The following RAPGEF1 variants were observed in gnomAD, a reference collection of about 807,000 sequenced individuals.
The protein encoded by RAPGEF1 is CRK SH3-binding GNRP.
A neutral mutation model predicts 143.3 loss-of-function variants in RAPGEF1; 33 were observed. The observed-to-expected ratio is 0.23, with a 90% CI of 0.17 to 0.31. The LOEUF is 0.31. Among genes scored for constraint, RAPGEF1 ranks in the 10% least tolerant of loss-of-function variants. The probability of loss-of-function intolerance (pLI) is 1.00; values close to 1 mark genes in which losing one functional copy is unlikely to be tolerated. For missense variants in RAPGEF1, 1,199 were observed against 1,645.4 expected (o/e 0.73, Z 4.69); for synonymous variants, 629 against 676.5 (o/e 0.93, Z 1.09).
intron 14 of RAPGEF1, 75 bp from the exon 15 acceptor site, chr9:131,602,224 C>A (rs1311957694): frequency 5.3e-6 from 6 of 1,125,286 alleles, no homozygotes; most frequent in Non-Finnish European, 7.7e-6. Flanking sequence ...AGCATTCCTG[C>A]CTGCAAGTGG....
rs747095554 is a variant in RAPGEF1, at chr9:131,579,456, C to G, written c.*41G>C. The G allele has an allele frequency of 1.9e-6, 3 of 1,606,412 alleles. No homozygotes were observed. The highest frequency in any genetic ancestry group is 2.6e-6 in the Non-Finnish European group (3 of 1,175,638). On this transcript the variant is annotated 3_prime_UTR_variant, in exon 27 of 27. Transcript: ENST00000683357. The stretch of plus-strand genomic sequence containing the variant: ...TCCTCTCCGGTCTGGGAGCTGCCCT[C>G]TGCGCCCCTCGAGCATTCTCCTGGA...
intron 10 of RAPGEF1, among the ~76,000 whole-genome samples, chr9:131,624,456 T>C (rs1163451738): frequency 1.3e-5 from 2 of 152,178 alleles, no homozygotes; most frequent in Non-Finnish European, 2.9e-5. Context: ...AAGGAAACAA[T>C]GGCTACCCCT....
intron 1 of RAPGEF1, among the ~76,000 whole-genome samples, chr9:131,677,395 A>C (rs1225306130): frequency 6.6e-6 from 1 of 152,252 alleles, no homozygotes; most frequent in Non-Finnish European, 1.5e-5. Context: ...TGGATGTCCA[A>C]TTAACATAAG....
In RAPGEF1 at chr9:131,578,919, C is replaced by G. The variant is rs1951474111; in HGVS notation, c.*578G>C. The G allele has an allele frequency of 6.5e-6, 1 of 152,904 alleles. No homozygotes were observed. Among genetic ancestry groups the G allele is most frequent in the South Asian group, 2.1e-4 (1 of 4,862 alleles). 9.5% of individuals were successfully genotyped at this position (152,904 alleles called of 1,614,324 possible). Reference sequence around the variant, plus strand: ...GCGTCACCTGCGTACCTTTCCGGGCCTGCTGAAAAGCTCACACCATCCTCC... The same window carrying G: ...GCGTCACCTGCGTACCTTTCCGGGCGTGCTGAAAAGCTCACACCATCCTCC... On this transcript the variant is annotated 3_prime_UTR_variant, in exon 27 of 27. Transcript: ENST00000683357.
intron 1 of RAPGEF1, among the ~76,000 whole-genome samples, chr9:131,712,465 C>CT (rs148790430): frequency 0.11 from 17,086 of 152,170 alleles, 1,147 homozygotes; most frequent in East Asian, 0.26. Flanking sequence ...GTATGGGCGG[C>CT]TGGGGCGCTG....
intron 12 of RAPGEF1, among the ~76,000 whole-genome samples, chr9:131,618,480 C>A (rs1246348199): frequency 6.6e-6 from 1 of 152,230 alleles, no homozygotes; most frequent in Non-Finnish European, 1.5e-5. Flanking sequence ...ACTAATACAT[C>A]CCTGAGAGTC....
chr9:131,659,587 C>T (rs1973440281), intron 1 of RAPGEF1, among the ~76,000 whole-genome samples: 1 of 152,106 alleles, frequency 6.6e-6, no homozygotes, highest in Admixed American at 6.6e-5. Flanking sequence ...GCCTCCGGTT[C>T]CTCACCTAGA....
At chr9:131,694,940 C>T (rs1453180197) in intron 1 of RAPGEF1, among the ~76,000 whole-genome samples, 1 of 138,574 alleles carries the variant, frequency 7.2e-6, no homozygotes, top group African/African-American at 2.6e-5. Flanking sequence ...TAATGCTATC[C>T]CTTCCCCCTC....
At chr9:131,734,362 G>A (rs1837283693) in intron 1 of RAPGEF1, among the ~76,000 whole-genome samples, 1 of 152,212 alleles carries the variant, frequency 6.6e-6, no homozygotes, top group Admixed American at 6.5e-5. Flanking sequence ...AATGAAATGA[G>A]GTAGTCTATA....
At chr9:131,715,140 G>A (rs892782487) in intron 1 of RAPGEF1, among the ~76,000 whole-genome samples, 8 of 152,152 alleles carry the variant, frequency 5.3e-5, no homozygotes, top group Non-Finnish European at 8.8e-5. Context: ...CAAACTTATA[G>A]ATCAGTCTCA....
rs764172519 is a variant in RAPGEF1, at chr9:131,655,948, A to C, written c.62-4999T>G. On this transcript the variant is annotated intron_variant, in intron 1 of 26. Coordinates refer to ENST00000683357, the MANE Select transcript of RAPGEF1 (RefSeq NM_001377935.1). This position sits in a 1 kb window ranked among gnomAD's most constrained non-coding sequence, Gnocchi z 4.1. Reference sequence around the variant, plus strand: ...AGAATGTTTGCATTCAAATACTTAGATATCATCTCTCTAAATCTTTCCCTT... The same window carrying C: ...AGAATGTTTGCATTCAAATACTTAGCTATCATCTCTCTAAATCTTTCCCTT... 8.1e-4 allele frequency among the ~76,000 whole-genome samples: 124 copies of C among 152,300 alleles called. No individual in the cohort carries two copies. The highest frequency in any genetic ancestry group is 1.7e-3 in the Admixed American group (26 of 15,288).
intron 1 of RAPGEF1, among the ~76,000 whole-genome samples, chr9:131,669,570 A>C (rs1831015489): frequency 6.6e-6 from 1 of 152,182 alleles, no homozygotes; most frequent in African/African-American, 2.4e-5. Flanking sequence ...GAACGAGGGC[A>C]GTTCAGGCTC....
Position 131,628,204 on chromosome 9 carries a change from C to G in RAPGEF1, c.1018-108G>C. ...ACTTAGAGAAGGAAATACTGCCAGG[C>G]GAACTCAGAAACCACCTCTGACGTC... On this transcript the variant is annotated intron_variant, in intron 8 of 26. Coordinates refer to ENST00000683357, the MANE Select transcript of RAPGEF1 (RefSeq NM_001377935.1). This position sits in a 1 kb window ranked among gnomAD's most constrained non-coding sequence, Gnocchi z 5.7. 1 of 1,095,664 alleles carries G rather than the reference C, an allele frequency of 9.1e-7. No homozygotes were observed. Among genetic ancestry groups the G allele is most frequent in the Non-Finnish European group, 1.3e-6 (1 of 790,100 alleles). 67.9% of individuals were successfully genotyped at this position (1,095,664 alleles called of 1,614,324 possible).
intron 1 of RAPGEF1, among the ~76,000 whole-genome samples, chr9:131,694,949 T>TC (rs1473982597): frequency 1.1e-5 from 1 of 88,486 alleles, no homozygotes. Flanking sequence ...CCCTTCCCCC[T>TC]CCCCCCACCC....
intron 1 of RAPGEF1, among the ~76,000 whole-genome samples, chr9:131,663,215 G>A (rs551944875): frequency 1.3e-5 from 2 of 152,136 alleles, no homozygotes; most frequent in African/African-American, 4.8e-5. Flanking sequence ...TGCCATGCTC[G>A]CTTTCCATCC....
intron 5 of RAPGEF1, among the ~76,000 whole-genome samples, chr9:131,631,795 C>G (rs1030125848): frequency 6.6e-6 from 1 of 152,140 alleles, no homozygotes; most frequent in Non-Finnish European, 1.5e-5. Context: ...GGTGAACACG[C>G]CGAAAAAAAT....
chr9:131,600,633 G>A (rs1956114876), intron 15 of RAPGEF1, among the ~76,000 whole-genome samples: 1 of 152,096 alleles, frequency 6.6e-6, no homozygotes. Context: ...ATGACAAGTG[G>A]GCACTCCCTT....
intron 1 of RAPGEF1, among the ~76,000 whole-genome samples, chr9:131,710,971 A>G (rs753017654): frequency 1.3e-5 from 2 of 152,180 alleles, no homozygotes; most frequent in Non-Finnish European, 2.9e-5. Context: ...CTCAGCTGTA[A>G]TAAGAATCAA....
chr9:131,653,971 G>C (rs561966665), intron 1 of RAPGEF1, among the ~76,000 whole-genome samples: 1 of 152,350 alleles, frequency 6.6e-6, no homozygotes, highest in Admixed American at 6.5e-5. Context: ...GTACGGATCA[G>C]CTACAACACA....
Sources: allele counts gnomAD v4.1 joint callset (sites outside exome capture counted in the v4.1 genomes callset), GRCh38; gene constraint gnomAD v4.1.1; non-coding constraint Gnocchi (gnomAD v3.1); transcripts MANE v1.5; gene names NCBI Gene and HGNC (gene_info 2026-07-23, HGNC 2026-07-21).